Variants in PNMA1 observed in about 807,000 individuals in gnomAD.
PNMA1 encodes the protein paraneoplastic antigen Ma1.
PNMA1 carries 21 observed loss-of-function variants against 26.1 expected under a neutral mutation model. The observed-to-expected ratio is 0.80, with a 90% CI of 0.57 to 1.16. The LOEUF is 1.16. PNMA1 is among the 50% of genes most tolerant of loss of function. The pLI, the probability that PNMA1 is intolerant of heterozygous loss-of-function variation, is 0.00. For synonymous variants in PNMA1, 189 were observed against 177.3 expected (o/e 1.07, Z -0.52); for missense variants, 435 against 437.3 (o/e 0.99, Z 0.05).
rs1372646704 is a variant in PNMA1, at chr14:73,713,644, T to C, written c.-5A>G. 1 of 1,592,120 alleles carries C rather than the reference T, an allele frequency of 6.3e-7. No homozygotes were observed. The highest frequency in any genetic ancestry group is 1.1e-5 in the South Asian group (1 of 88,526). ...TTCCAACAGTGTCATCGCCATTTTC[T>C]CAACTATCAAGACGCCAAATTCTAC... On this transcript the variant is annotated 5_prime_UTR_variant, in exon 1 of 1. Transcript: ENST00000316836.
chr14:73,713,605 C>T lies in PNMA1; in HGVS notation c.35G>A (p.Gly12Glu). ...AGCTCTCTGGGAGTTCACATCCATC[C>T]CCCGGCACCAGTCTTCCAACAGTGT... ...AMTLLEDWCR[G>E]MDVNSQRALL... The change falls in exon 1 of 1, where the codon GGG becomes GAG. Residue 12 changes from glycine (G) to glutamate (E), a missense_variant. Gly to Glu is a moderately conservative substitution (Grantham distance 98). Transcript: ENST00000316836. 1 of 1,609,776 alleles carries T rather than the reference C, an allele frequency of 6.2e-7. No homozygotes were observed. The highest frequency in any genetic ancestry group is 2.2e-5 in the East Asian group (1 of 44,806).
In PNMA1 at chr14:73,712,253, T is replaced by C. The variant is rs144613828; in HGVS notation, c.*325A>G. 18 of 280,174 alleles carry C rather than the reference T, an allele frequency of 6.4e-5. No individual in the cohort carries two copies. Among genetic ancestry groups the C allele is most frequent in the Middle Eastern group, 1.1e-3 (1 of 904 alleles). 17.4% of individuals were successfully genotyped at this position (280,174 alleles called of 1,614,324 possible). On this transcript the variant is annotated 3_prime_UTR_variant, in exon 1 of 1. Transcript: ENST00000316836. ...ATGCAATTTCACATTCAGTGTGGAA[T>C]AAGAAGTGTCATAGGTTCGCGTGTT...
At position 73,712,550 on chromosome 14, in the gene PNMA1, TCTGCACTAAAG is replaced by T. The variant is rs1300560006; in HGVS notation, c.*17_*27del. 1 of 1,469,784 alleles carries T rather than the reference TCTGCACTAAAG, an allele frequency of 6.8e-7. No individual in the cohort carries two copies. Among genetic ancestry groups the T allele is most frequent in the Non-Finnish European group, 9.3e-7 (1 of 1,077,478 alleles). 91.0% of individuals were successfully genotyped at this position (1,469,784 alleles called of 1,614,324 possible). On this transcript the variant is annotated 3_prime_UTR_variant, in exon 1 of 1. Transcript: ENST00000316836. Reference sequence around the variant, plus strand: ...ACAAGAAAAGTAGCTGTGATCTAGGTCTGCACTAAAGCTGCCTTTCCTGGCACTCAGAAGTG... The same window carrying T: ...ACAAGAAAAGTAGCTGTGATCTAGGTCTGCCTTTCCTGGCACTCAGAAGTG...
Position 73,713,135 on chromosome 14 carries a change from T to A in PNMA1, c.505A>T (p.Ile169Phe). The change falls in exon 1 of 1, where the codon ATC (isoleucine) becomes TTC (phenylalanine). Residue 169 changes from isoleucine (I) to phenylalanine (F), a missense_variant. Ile to Phe is a conservative substitution (Grantham distance 21). Transcript: ENST00000316836. ...AAGGTTTCCTCTCCAGGCCCTGGGATGTCCCTCCCCGAGAAAAGTGTCAGC... is the reference window on the plus strand; with the variant it reads ...AAGGTTTCCTCTCCAGGCCCTGGGAAGTCCCTCCCCGAGAAAAGTGTCAGC... ...KRLTLFSGRD[I>F]PGPGEETFDP... 1 of 1,612,398 alleles carries A rather than the reference T, an allele frequency of 6.2e-7. No homozygotes were observed. Among genetic ancestry groups the A allele is most frequent in the African/African-American group, 1.3e-5 (1 of 74,956 alleles).
rs1416417910 is a variant in PNMA1 at position 73,713,294 on chromosome 14, C to T, written c.346G>A (p.Val116Met). 1.2e-6 allele frequency: 2 copies of T among 1,614,144 alleles called. No individual in the cohort carries two copies. The highest frequency in any genetic ancestry group is 1.7e-6 in the Non-Finnish European group (2 of 1,180,004). The change falls in exon 1 of 1, where the codon GTG (valine) becomes ATG (methionine). Residue 116 changes from valine to methionine, a missense_variant. Val to Met is a conservative substitution (Grantham distance 21, BLOSUM62 1). Transcript: ENST00000316836. ...HLFLAREGWT[V>M]QDVARVLGFQ... is the part of the protein sequence containing the mutation. ...CCAAGGACACGGGCAACATCTTGCA[C>T]GGTCCACCCCTCTCTAGCTAGGAAG... is the stretch of plus-strand genomic sequence containing the variant.
rs1054276501 is a variant in PNMA1 at position 73,714,169 on chromosome 14, T to C, written c.-530A>G. Reference sequence around the variant, plus strand: ...CGGCTGCGGGCCAGCGGAAAGCGGCTTCTTGGCGGGCGCGGGGACTCCTCT... The same window carrying C: ...CGGCTGCGGGCCAGCGGAAAGCGGCCTCTTGGCGGGCGCGGGGACTCCTCT... On this transcript the variant is annotated 5_prime_UTR_variant, in exon 1 of 1. Transcript: ENST00000316836. 1.2e-5 allele frequency: 2 copies of C among 166,984 alleles called. No individual in the cohort carries two copies. The highest frequency in any genetic ancestry group is 2.4e-5 in the African/African-American group (1 of 41,090). The allele number at this position is 166,984 out of a possible 1,614,324, so 10.3% of individuals were successfully genotyped here.
chr14:73,713,198 CATT>C lies in PNMA1; in HGVS notation c.439_441del (p.Asn147del). 1 of 1,614,048 alleles carries C rather than the reference CATT, an allele frequency of 6.2e-7. No individual in the cohort carries two copies. The highest frequency in any genetic ancestry group is 1.1e-5 in the South Asian group (1 of 91,070). On this transcript the variant is annotated inframe_deletion, in exon 1 of 1. Transcript: ENST00000316836. ...ATGGACTCAACAAGAGGCTGAATAA[CATT>C]ATCCAAAATATAGTTTAGCATCTCT...
At position 73,713,444 on chromosome 14, in the gene PNMA1, A is replaced by G; in HGVS notation, c.196T>C (p.Leu66=). Residue 66 remains leucine, a synonymous_variant, in exon 1 of 1, where the codon TTA becomes CTA. Coordinates refer to ENST00000316836, the MANE Select transcript of PNMA1 (RefSeq NM_006029.5). ...TAATCTACAGCGCCAGTGAGCTCTA[A>G]TAAGGCTGCTTTCGCATTTTCTTCC... ...WREENAKAAL[L]ELTGAVDYAA... 5 of 1,614,176 alleles carry G rather than the reference A, an allele frequency of 3.1e-6. No individual in the cohort carries two copies. Among genetic ancestry groups the G allele is most frequent in the Non-Finnish European group, 4.2e-6 (5 of 1,180,026 alleles).
At position 73,712,705 on chromosome 14, in the gene PNMA1, C is replaced by T. The variant is rs776143755; in HGVS notation, c.935G>A (p.Gly312Glu). The T allele has an allele frequency of 6.2e-7, 1 of 1,614,146 alleles. No individual in the cohort carries two copies. The highest frequency in any genetic ancestry group is 1.7e-5 in the Admixed American group (1 of 60,024). Reference protein sequence around the residue: ...GAIRRQLWLTGAGEGPAPNLF... With the variant: ...GAIRRQLWLTEAGEGPAPNLF... ...GTTTGGGGCTGGCCCTTCCCCAGCCCCGGTAAGCCACAGCTGCCTTCGGAT... is the reference window on the plus strand; with the variant it reads ...GTTTGGGGCTGGCCCTTCCCCAGCCTCGGTAAGCCACAGCTGCCTTCGGAT... Residue 312 changes from glycine (G) to glutamate (E), a missense_variant, in exon 1 of 1, where the codon GGG (glycine) becomes GAG (glutamate). Transcript: ENST00000316836.
rs147469794 is a variant in PNMA1, at chr14:73,713,031, C to T, written c.609G>A (p.Met203Ile). Residue 203 changes from methionine to isoleucine, a missense_variant, in exon 1 of 1, where the codon ATG becomes ATA. Met to Ile is a conservative substitution (Grantham distance 10). Coordinates refer to ENST00000316836, the MANE Select transcript of PNMA1 (RefSeq NM_006029.5). The stretch of plus-strand genomic sequence containing the variant: ...CAGCGGCGGGGCCTCTAAGACTCTC[C>T]ATCAACCGCCGCCTCTTTTCTACAT... ...VSDVEKRRRLMESLRGPAADV... is the reference protein window; with the variant it reads ...VSDVEKRRRLIESLRGPAADV... 3 of 1,613,810 alleles carry T rather than the reference C, an allele frequency of 1.9e-6. No individual in the cohort carries two copies. Among genetic ancestry groups the T allele is most frequent in the Admixed American group, 3.3e-5 (2 of 60,006 alleles).
In PNMA1 at chr14:73,713,417, C is replaced by G; in HGVS notation, c.223G>C (p.Ala75Pro). The G allele has an allele frequency of 6.2e-7, 1 of 1,614,122 alleles. No homozygotes were observed. Among genetic ancestry groups the G allele is most frequent in the Non-Finnish European group, 8.5e-7 (1 of 1,179,990 alleles). ...CCCGGCATCTCCCTGGGGATCGCGG[C>G]GTAATCTACAGCGCCAGTGAGCTCT... ...LLELTGAVDY[A>P]AIPREMPGKG... The change falls in exon 1 of 1, where the codon GCC (alanine) becomes CCC (proline). Residue 75 changes from alanine to proline, a missense_variant. By Grantham distance (27) the Ala-to-Pro change is conservative. Transcript: ENST00000316836.
rs1160383495 is a variant in PNMA1, at chr14:73,713,022, A to G, written c.618T>C (p.Leu206=). The change falls in exon 1 of 1, where the codon CTT becomes CTC. Residue 206 remains leucine, a synonymous_variant. Coordinates refer to ENST00000316836, the MANE Select transcript of PNMA1 (RefSeq NM_006029.5). Reference sequence around the variant, plus strand: ...GAATAACATCAGCGGCGGGGCCTCTAAGACTCTCCATCAACCGCCGCCTCT... The same window carrying G: ...GAATAACATCAGCGGCGGGGCCTCTGAGACTCTCCATCAACCGCCGCCTCT... ...VEKRRRLMES[L]RGPAADVIRI... 1 of 1,613,708 alleles carries G rather than the reference A, an allele frequency of 6.2e-7. No individual in the cohort carries two copies. Among genetic ancestry groups the G allele is most frequent in the Non-Finnish European group, 8.5e-7 (1 of 1,180,020 alleles).
chr14:73,713,894 C>T lies in PNMA1; in HGVS notation c.-255G>A, dbSNP rs2052844788. The T allele has an allele frequency of 2.7e-6, 1 of 374,488 alleles. No homozygotes were observed. Among genetic ancestry groups the T allele is most frequent in the Admixed American group, 4.3e-5 (1 of 23,464 alleles). 23.2% of individuals were successfully genotyped at this position (374,488 alleles called of 1,614,324 possible). A position where few individuals can be genotyped will look rare whatever the true frequency, so the allele number is the denominator to read the frequency against. On this transcript the variant is annotated 5_prime_UTR_variant, in exon 1 of 1. Transcript: ENST00000316836. ...CGCCATCTTGCGTCTGGGTCTGGGT[C>T]CGGTCGGGTCCGCCGCCTGCAGCAG...
At position 73,713,730 on chromosome 14, in the gene PNMA1, T is replaced by C. The variant is rs539998772; in HGVS notation, c.-91A>G. On this transcript the variant is annotated 5_prime_UTR_variant, in exon 1 of 1. Transcript: ENST00000316836. ...AACAATACCAGACACTCCCACCAAG[T>C]AGGCCCGAGGGAGGCGACCTTCATG... 22 of 1,266,390 alleles carry C rather than the reference T, an allele frequency of 1.7e-5. 1 individual carries two copies. In the African/African-American group the frequency reaches 2.5e-4, roughly 15 times the overall value. 78.4% of individuals were successfully genotyped at this position (1,266,390 alleles called of 1,614,324 possible).
Position 73,713,054 on chromosome 14 carries a change from C to T in PNMA1, c.586G>A (p.Val196Ile). The change falls in exon 1 of 1, where the codon GTA (valine) becomes ATA (isoleucine). Residue 196 changes from valine (V) to isoleucine (I), a missense_variant. Val to Ile is a conservative substitution (Grantham distance 29, BLOSUM62 3). Coordinates refer to ENST00000316836, the MANE Select transcript of PNMA1 (RefSeq NM_006029.5). ...TCCATCAACCGCCGCCTCTTTTCTA[C>T]ATCGGACACCTGCCACTCCTCTAGG... is the stretch of plus-strand genomic sequence containing the variant. ...EVLEEWQVSD[V>I]EKRRRLMESL... 1.2e-6 allele frequency: 2 copies of T among 1,613,868 alleles called. No individual in the cohort carries two copies. Among genetic ancestry groups the T allele is most frequent in the Non-Finnish European group, 1.7e-6 (2 of 1,179,960 alleles).
rs755144594 is a variant in PNMA1, at chr14:73,713,056, T to A, written c.584A>T (p.Asp195Val). Residue 195 changes from aspartate to valine, a missense_variant, in exon 1 of 1, where the codon GAT (aspartate) becomes GTT (valine). Physicochemically the swap from Asp to Val is radical, Grantham distance 152. Transcript: ENST00000316836. ...CATCAACCGCCGCCTCTTTTCTACA[T>A]CGGACACCTGCCACTCCTCTAGGAC... is the stretch of plus-strand genomic sequence containing the variant. ...NEVLEEWQVS[D>V]VEKRRRLMES... 12 of 1,613,616 alleles carry A rather than the reference T, an allele frequency of 7.4e-6. No homozygotes were observed. Among genetic ancestry groups the A allele is most frequent in the Middle Eastern group, 1.6e-4 (1 of 6,084 alleles).
rs1416474066 is a variant in PNMA1, at chr14:73,714,184, GGGACTCCTCTGGGCGGGCGGCGA to G, written c.-568_-546del. 5.9e-6 allele frequency: 1 copy of G among 168,372 alleles called. No homozygotes were observed. The highest frequency in any genetic ancestry group is 2.4e-5 in the African/African-American group (1 of 41,452). 10.4% of individuals were successfully genotyped at this position (168,372 alleles called of 1,614,324 possible). ...GGAAAGCGGCTTCTTGGCGGGCGCG[GGGACTCCTCTGGGCGGGCGGCGA>G]GGACGGCCGAGGACCAGAAACGAAG... is the stretch of plus-strand genomic sequence containing the variant. On this transcript the variant is annotated 5_prime_UTR_variant, in exon 1 of 1. Coordinates refer to ENST00000316836, the MANE Select transcript of PNMA1 (RefSeq NM_006029.5).
rs1412549432 is a variant in PNMA1 at position 73,713,105 on chromosome 14, G to T, written c.535C>A (p.Pro179Thr). The T allele has an allele frequency of 2.5e-5, 41 of 1,613,072 alleles. No homozygotes were observed. Among genetic ancestry groups the T allele is most frequent in the Non-Finnish European group, 3.5e-5 (41 of 1,179,566 alleles). ...ACCTCATTAGTGTGCTCCAGCCAGGGATCAAAGGTTTCCTCTCCAGGCCCT... is the reference window on the plus strand; with the variant it reads ...ACCTCATTAGTGTGCTCCAGCCAGGTATCAAAGGTTTCCTCTCCAGGCCCT... ...IPGPGEETFD[P>T]WLEHTNEVLE... The change falls in exon 1 of 1, where the codon CCC becomes ACC. Residue 179 changes from proline to threonine, a missense_variant. Coordinates refer to ENST00000316836, the MANE Select transcript of PNMA1 (RefSeq NM_006029.5).
At position 73,712,912 on chromosome 14, in the gene PNMA1, G is replaced by A. The variant is rs149516636; in HGVS notation, c.728C>T (p.Ser243Phe). 6.2e-7 allele frequency: 1 copy of A among 1,614,086 alleles called. No homozygotes were observed. The highest frequency in any genetic ancestry group is 1.1e-5 in the South Asian group (1 of 91,090). Reference sequence around the variant, plus strand: ...CAGAAATTTGATCTGGGCATCCCTAGAGCTCTCAACGCTCCCAAACACCTG... The same window carrying A: ...CAGAAATTTGATCTGGGCATCCCTAAAGCTCTCAACGCTCCCAAACACCTG... ...LEQVFGSVES[S>F]RDAQIKFLNT... Residue 243 changes from serine (S) to phenylalanine (F), a missense_variant, in exon 1 of 1, where the codon TCT (serine) becomes TTT (phenylalanine). By Grantham distance (155) the Ser-to-Phe change is radical (BLOSUM62 -2). Coordinates refer to ENST00000316836, the MANE Select transcript of PNMA1 (RefSeq NM_006029.5).
Sources: gnomAD v4.1 joint callset for allele counts on GRCh38, gnomAD v4.1.1 for gene constraint, MANE v1.5 for transcripts, NCBI Gene and HGNC (gene_info 2026-07-23, HGNC 2026-07-21) for gene names.